The following SIPA1L1 variants were observed in gnomAD, a reference collection of about 807,000 sequenced individuals.
SIPA1L1 encodes the protein signal induced proliferation associated 1 like 1.
In SIPA1L1, 26 loss-of-function variants were observed where a neutral mutation model predicts 162.7. The ratio of observed to expected loss-of-function variants is 0.16; its 90% CI spans 0.12 to 0.22. The LOEUF is 0.22. Among genes scored for constraint, SIPA1L1 ranks in the 10% least tolerant of loss-of-function variants. The pLI is 1.00. For synonymous variants in SIPA1L1, 829 were observed against 837.4 expected (o/e 0.99, Z 0.17); for missense variants, 1,874 against 2,241.0 (o/e 0.84, Z 3.31).
chr14:71,478,533 A>G (rs1023104801), intron 2 of SIPA1L1, among the ~76,000 whole-genome samples: 3 of 152,208 alleles, frequency 2.0e-5, no homozygotes, highest in African/African-American at 7.2e-5. Flanking sequence ...ATATTTCTGT[A>G]AGATCTGTTT....
At chr14:71,339,032 G>A (rs747417622) in intron 2 of SIPA1L1, among the ~76,000 whole-genome samples, 1 of 152,122 alleles carries the variant, frequency 6.6e-6, no homozygotes, top group African/African-American at 2.4e-5. Flanking sequence ...GAGCCACTGT[G>A]CATGGCCAGA....
chr14:71,396,891 T>G (rs2141449427), intron 2 of SIPA1L1, among the ~76,000 whole-genome samples: 1 of 152,360 alleles, frequency 6.6e-6, no homozygotes, highest in South Asian at 2.1e-4. Flanking sequence ...TTATGGAGAA[T>G]CTTGAGTTAG....
chr14:71,396,248 C>A (rs2041191478), intron 2 of SIPA1L1, among the ~76,000 whole-genome samples: 1 of 152,120 alleles, frequency 6.6e-6, no homozygotes, highest in Non-Finnish European at 1.5e-5. Flanking sequence ...GGTTACCAAG[C>A]CTTCTCTGCC....
At chr14:71,434,143 A>G (rs2044204190) in intron 2 of SIPA1L1, among the ~76,000 whole-genome samples, 3 of 152,186 alleles carry the variant, frequency 2.0e-5, no homozygotes, top group Non-Finnish European at 2.9e-5. Flanking sequence ...TTTGGCTTTC[A>G]TTTGTTGAAC....
chr14:71,374,526 TAAAC>T lies in SIPA1L1; in HGVS notation c.-465+53349_-465+53352del, dbSNP rs979015240. Among the ~76,000 whole-genome samples the T allele has an allele frequency of 4.8e-4, 73 of 151,960 alleles. 1 individual carries two copies. Among genetic ancestry groups the T allele is most frequent in the African/African-American group, 1.7e-3 (71 of 41,506 alleles). ...GACAGTGTGGTATGAAGTTTACATT[TAAAC>T]AAAGTTTTCACAGAAATCTAAAGTA... On this transcript the variant is annotated intron_variant, in intron 2 of 23. Coordinates refer to ENST00000381232, the MANE Select transcript of SIPA1L1 (RefSeq NM_001386936.1).
intron 12 of SIPA1L1, among the ~76,000 whole-genome samples, chr14:71,675,098 C>T (rs1358206267): frequency 2.0e-5 from 3 of 152,210 alleles, no homozygotes; most frequent in South Asian, 2.1e-4. Context: ...TGCAGATACT[C>T]CCACTGTGGC....
At chr14:71,347,364 A>G (rs773245783) in intron 2 of SIPA1L1, among the ~76,000 whole-genome samples, 4 of 152,100 alleles carry the variant, frequency 2.6e-5, no homozygotes, top group East Asian at 1.9e-4. Flanking sequence ...GTAATATTCT[A>G]TTCTAATAAC....
chr14:71,705,455 A>G, intron 16 of SIPA1L1, 115 bp downstream of exon 16: 1 of 819,816 alleles, frequency 1.2e-6, no homozygotes, highest in South Asian at 1.6e-5. Flanking sequence ...CATTCTGGCA[A>G]AGAGTGGTCG....
intron 4 of SIPA1L1, chr14:71,574,753 T>C (rs2032718245): frequency 6.6e-6 from 1 of 152,162 alleles, no homozygotes; most frequent in Non-Finnish European, 1.5e-5. Flanking sequence ...CTTTGAACAC[T>C]TTATTGGTTT....
Position 71,724,769 on chromosome 14 carries a change from T to G in SIPA1L1, c.4548T>G (p.Ile1516Met). The change falls in exon 19 of 24, where the codon ATT (isoleucine) becomes ATG (methionine). Residue 1516 changes from isoleucine to methionine, a missense_variant. Coordinates refer to ENST00000381232, the MANE Select transcript of SIPA1L1 (RefSeq NM_001386936.1). ...ASPKPTSKST[I>M]EEDLKKLIDL... ...CTAAGCCAACCTCCAAGTCCACCAT[T>G]GAAGAAGATCTAAAGAAACTAATTG... The G allele has an allele frequency of 6.2e-7, 1 of 1,614,078 alleles. No individual in the cohort carries two copies. Among genetic ancestry groups the G allele is most frequent in the African/African-American group, 1.3e-5 (1 of 75,018 alleles).
intron 2 of SIPA1L1, among the ~76,000 whole-genome samples, chr14:71,331,626 C>T (rs1255753338): frequency 6.6e-6 from 1 of 152,150 alleles, no homozygotes; most frequent in African/African-American, 2.4e-5. Context: ...AGTGGGTATT[C>T]ATACCCAACA....
chr14:71,572,579 T>A (rs966553845), intron 4 of SIPA1L1, among the ~76,000 whole-genome samples: 1 of 152,124 alleles, frequency 6.6e-6, no homozygotes. Flanking sequence ...TGGTGGGATG[T>A]TCCCCAGAAT....
chr14:71,549,406 A>G (rs933192560), intron 4 of SIPA1L1, among the ~76,000 whole-genome samples: 5 of 152,072 alleles, frequency 3.3e-5, no homozygotes, highest in Non-Finnish European at 5.9e-5. Flanking sequence ...ATGTGAACCA[A>G]GTAATTCTGC....
intron 2 of SIPA1L1, among the ~76,000 whole-genome samples, chr14:71,413,296 T>TTTGTTG (rs576072921): frequency 6.6e-6 from 1 of 152,192 alleles, no homozygotes; most frequent in Non-Finnish European, 1.5e-5. Context: ...TCAAAATCAC[T>TTTGTTG]TTGTTGTTGT....
Position 71,603,414 on chromosome 14 carries a change from C to T in SIPA1L1, c.1498+14044C>T, listed in dbSNP as rs559277092. On this transcript the variant is annotated intron_variant, in intron 5 of 23. Coordinates refer to ENST00000381232, the MANE Select transcript of SIPA1L1 (RefSeq NM_001386936.1). Reference sequence around the variant, plus strand: ...ATTGATTTCTAGTTATTTTATATATCGGTTTCTTTCTCATGTTATTTACCA... The same window carrying T: ...ATTGATTTCTAGTTATTTTATATATTGGTTTCTTTCTCATGTTATTTACCA... Among the ~76,000 whole-genome samples, 4 of 151,892 alleles carry T rather than the reference C, an allele frequency of 2.6e-5. 1 individual carries two copies. The South Asian group carries it at 6.2e-4, about 24-fold the overall frequency.
chr14:71,690,175 T>G (rs2081154717), intron 13 of SIPA1L1, among the ~76,000 whole-genome samples: 1 of 152,222 alleles, frequency 6.6e-6, no homozygotes, highest in Admixed American at 6.5e-5. Context: ...CCTGAAATCA[T>G]GGGACTTTTG....
At chr14:71,727,684 C>T (rs17100926) in intron 19 of SIPA1L1, among the ~76,000 whole-genome samples, 13,681 of 152,268 alleles carry the variant, frequency 0.09, 721 homozygotes, top group African/African-American at 0.13. Flanking sequence ...CACTCCACTG[C>T]GATTCTTTCC....
intron 2 of SIPA1L1, among the ~76,000 whole-genome samples, chr14:71,383,422 T>C (rs908318578): frequency 5.3e-5 from 8 of 152,244 alleles, no homozygotes; most frequent in Non-Finnish European, 1.2e-4. Flanking sequence ...AAAATGGTTC[T>C]GTGTGAAGGT....
intron 5 of SIPA1L1, among the ~76,000 whole-genome samples, chr14:71,603,296 A>C (rs2148069665): frequency 6.6e-6 from 1 of 152,090 alleles, no homozygotes; most frequent in African/African-American, 2.4e-5. Context: ...TTTTTTTCAA[A>C]TCAGCCGATC....
Sources: allele counts gnomAD v4.1 joint callset (sites outside exome capture counted in the v4.1 genomes callset), GRCh38; gene constraint gnomAD v4.1.1; transcripts MANE v1.5; gene names NCBI Gene and HGNC (gene_info 2026-07-23, HGNC 2026-07-21).